TGM6: variants seen among roughly 807,000 people sequenced by gnomAD.
TGM6 encodes protein-glutamine gamma-glutamyltransferase 6.
TGM6 carries 74 observed loss-of-function variants against 77.5 expected under a neutral mutation model. The ratio of observed to expected loss-of-function variants is 0.96; its 90% CI spans 0.79 to 1.16. The LOEUF (loss-of-function observed/expected upper bound fraction) is 1.16. Ranked by LOEUF, TGM6 falls within the 50% of genes most tolerant of loss-of-function variation. TGM6 has a pLI of 0.00. For missense variants in TGM6, 968 were observed against 940.2 expected (o/e 1.03, Z -0.39); for synonymous variants, 383 against 378.9 (o/e 1.01, Z -0.12).
intron 9 of TGM6, among the ~76,000 whole-genome samples, chr20:2,413,090 G>T (rs2084794316): frequency 1.3e-5 from 2 of 152,102 alleles, no homozygotes; most frequent in African/African-American, 4.8e-5. Context: ...TGAAAAAGAA[G>T]TTGGAGGGCT....
At chr20:2,427,751 T>C (rs1201982142) in intron 10 of TGM6, among the ~76,000 whole-genome samples, 1 of 152,008 alleles carries the variant, frequency 6.6e-6, no homozygotes, top group Non-Finnish European at 1.5e-5. Context: ...GGGGTGTTTG[T>C]TTGTTTGTTT....
At chr20:2,404,800 C>T (rs912069682) in intron 9 of TGM6, among the ~76,000 whole-genome samples, 137 of 152,048 alleles carry the variant, frequency 9.0e-4, no homozygotes, top group African/African-American at 3.3e-3. Flanking sequence ...GCCACCATGC[C>T]CAGCTAATTT....
intron 2 of TGM6, among the ~76,000 whole-genome samples, chr20:2,394,879 G>A (rs907867428): frequency 6.6e-6 from 1 of 152,180 alleles, no homozygotes; most frequent in Non-Finnish European, 1.5e-5. Context: ...CCAGGGCTCT[G>A]GAAGGGTATG....
chr20:2,420,372 A>G (rs527325883), intron 10 of TGM6, among the ~76,000 whole-genome samples: 2 of 152,294 alleles, frequency 1.3e-5, no homozygotes, highest in Non-Finnish European at 2.9e-5. Context: ...TGGGAAGTAC[A>G]GAGAGTTCCC....
chr20:2,423,686 TA>T (rs2084870733), intron 10 of TGM6, among the ~76,000 whole-genome samples: 1 of 152,222 alleles, frequency 6.6e-6, no homozygotes, highest in Non-Finnish European at 1.5e-5. Context: ...GAATCATGAA[TA>T]TACTTAATGG....
rs145516504 is a variant in TGM6 at position 2,392,860 on chromosome 20, G to A, written c.8-1592G>A. Among the ~76,000 whole-genome samples the A allele has an allele frequency of 2.0e-3, 312 of 152,272 alleles. 1 individual carries two copies. Among genetic ancestry groups the A allele is most frequent in the African/African-American group, 7.0e-3 (292 of 41,544 alleles). On this transcript the variant is annotated intron_variant, in intron 1 of 12. Transcript: ENST00000202625. ...AGAGATTGCAGTGATCCGAGATTGCGCCACTGCACTCCAGCCTGGGTGACA... is the reference window on the plus strand; with the variant it reads ...AGAGATTGCAGTGATCCGAGATTGCACCACTGCACTCCAGCCTGGGTGACA...
chr20:2,431,105 TG>T, intron 12 of TGM6, 78 bp downstream of exon 12: 1 of 1,588,032 alleles, frequency 6.3e-7, no homozygotes, highest in South Asian at 1.1e-5. Context: ...TTGCCAGGGA[TG>T]GGGGTGTGAG....
rs373357736 is a variant in TGM6, at chr20:2,397,968, C to G, written c.594C>G (p.Pro198=). The G allele has an allele frequency of 6.2e-7, 1 of 1,613,982 alleles. No individual in the cohort carries two copies. The highest frequency in any genetic ancestry group is 1.1e-5 in the South Asian group (1 of 91,082). The change falls in exon 5 of 13, where the codon CCC becomes CCG. Residue 198 remains proline, a synonymous_variant. Coordinates refer to ENST00000202625, the MANE Select transcript of TGM6 (RefSeq NM_198994.3). ...NICLSILDRS[P]GHQNNPATDV... ...GCCTCTCCATCCTGGATCGAAGCCC[C>G]GGTCACCAAAACAACCCAGCCACCG...
At chr20:2,393,776 C>T (rs1053588014) in intron 1 of TGM6, among the ~76,000 whole-genome samples, 1 of 152,112 alleles carries the variant, frequency 6.6e-6, no homozygotes, top group African/African-American at 2.4e-5. Context: ...ATCCGCCCAC[C>T]TCGGCCTCCC....
intron 9 of TGM6, among the ~76,000 whole-genome samples, chr20:2,404,444 G>T (rs550614095): frequency 2.8e-4 from 42 of 152,168 alleles, no homozygotes; most frequent in African/African-American, 8.9e-4. Context: ...AACCATTTCT[G>T]CTTGTTAAAT....
intron 7 of TGM6, among the ~76,000 whole-genome samples, chr20:2,401,570 C>T (rs2084709603): frequency 6.6e-6 from 1 of 152,222 alleles, no homozygotes; most frequent in Non-Finnish European, 1.5e-5. Flanking sequence ...TAACACCCAC[C>T]AAGCACCTAG....
intron 9 of TGM6, among the ~76,000 whole-genome samples, chr20:2,414,814 G>A (rs1466732595): frequency 1.3e-5 from 2 of 150,546 alleles, no homozygotes; most frequent in African/African-American, 4.9e-5. Context: ...ACCACGTGTT[G>A]TATGATTCCC....
At chr20:2,396,485 G>C in intron 3 of TGM6, 21 bp from the exon 4 acceptor site, 1 of 1,611,766 alleles carries the variant, frequency 6.2e-7, no homozygotes, top group African/African-American at 1.3e-5. Flanking sequence ...GTCCACACCG[G>C]GCCTGATGAC....
Position 2,432,597 on chromosome 20 carries a change from C to G in TGM6, c.2075C>G (p.Pro692Arg). Residue 692 changes from proline to arginine, a missense_variant, in exon 13 of 13, where the codon CCG becomes CGG. Physicochemically the swap from Pro to Arg is moderately radical, Grantham distance 103. Coordinates refer to ENST00000202625, the MANE Select transcript of TGM6 (RefSeq NM_198994.3). The stretch of plus-strand genomic sequence containing the variant: ...GTGGACCTTGTAAGCCCTCACTTCC[C>G]GGACATCAAGGGCTTTGTGATCGTC... The part of the protein sequence containing the change: ...LQVDLVSPHF[P>R]DIKGFVIVHV... 1 of 1,614,114 alleles carries G rather than the reference C, an allele frequency of 6.2e-7. No homozygotes were observed. Among genetic ancestry groups the G allele is most frequent in the African/African-American group, 1.3e-5 (1 of 75,018 alleles).
At chr20:2,396,461 A>T in intron 3 of TGM6, 45 bp from the exon 4 acceptor site, 1 of 1,594,534 alleles carries the variant, frequency 6.3e-7, no homozygotes, top group South Asian at 1.1e-5. Context: ...CAGGCCAGCA[A>T]GGCCAGAGCC....
In TGM6 at chr20:2,403,658, G is replaced by C. The variant is rs116904482; in HGVS notation, c.1171G>C (p.Val391Leu). 45 of 1,614,162 alleles carry C rather than the reference G, an allele frequency of 2.8e-5. No individual in the cohort carries two copies. Among genetic ancestry groups the C allele is most frequent in the Non-Finnish European group, 3.7e-5 (44 of 1,180,046 alleles). The change falls in exon 9 of 13, where the codon GTG becomes CTG. Residue 391 changes from valine to leucine, a missense_variant. Val to Leu is a conservative substitution (Grantham distance 32). Coordinates refer to ENST00000202625, the MANE Select transcript of TGM6 (RefSeq NM_198994.3). ...GCACCTGGCTCACGATGGCCCCTTC[G>C]TGTTTGCGGAGGTCAACGCCGACTA... ...DVHLAHDGPF[V>L]FAEVNADYIT...
intron 1 of TGM6, among the ~76,000 whole-genome samples, chr20:2,382,998 T>C (rs1283958050): frequency 1.3e-5 from 2 of 152,224 alleles, no homozygotes; most frequent in African/African-American, 4.8e-5. Flanking sequence ...AGGCTGGCTC[T>C]GGCTGGGACA....
intron 9 of TGM6, among the ~76,000 whole-genome samples, chr20:2,414,675 A>G (rs1265893780): frequency 1.3e-5 from 2 of 152,228 alleles, no homozygotes; most frequent in Admixed American, 6.5e-5. Context: ...CCATCAATAG[A>G]TAAATAAAAT....
chr20:2,381,195 C>T (rs1052508491), intron 1 of TGM6, among the ~76,000 whole-genome samples: 4 of 152,200 alleles, frequency 2.6e-5, no homozygotes, highest in Admixed American at 6.5e-5. Flanking sequence ...CTGGCTCAGG[C>T]GCTGTCTCCT....
Sources: allele counts gnomAD v4.1 joint callset (sites outside exome capture counted in the v4.1 genomes callset), GRCh38; gene constraint gnomAD v4.1.1; transcripts MANE v1.5; gene names NCBI Gene and HGNC (gene_info 2026-07-23, HGNC 2026-07-21).